The following RRP1 variants were observed in gnomAD, a reference collection of about 807,000 sequenced individuals.
The protein encoded by RRP1 is ribosomal RNA processing protein 1 homolog A.
A neutral mutation model predicts 54.6 loss-of-function variants in RRP1; 37 were observed. That is an observed-to-expected ratio of 0.68 (90% CI 0.52 to 0.89). The LOEUF (loss-of-function observed/expected upper bound fraction) is 0.89, where lower values mean the gene tolerates loss of function less well. Among genes scored for constraint, RRP1 ranks in the 40% least tolerant of loss-of-function variants. The pLI is 0.00. For missense variants in RRP1, 639 were observed against 612.5 expected, an observed-to-expected ratio of 1.04 and a Z score of -0.46; for synonymous variants, 262 against 244.3, an observed-to-expected ratio of 1.07 and a Z score of -0.67.
intron 5 of RRP1, among the ~76,000 whole-genome samples, chr21:43,796,466 C>G (rs1427458753): frequency 6.6e-6 from 1 of 150,440 alleles, no homozygotes; most frequent in East Asian, 2.0e-4. Context: ...TGTGGAAGAC[C>G]TCGGTGCCTT....
At chr21:43,798,145 G>A (rs1164034761) in intron 8 of RRP1, 45 bp downstream of exon 8, 5 of 1,520,038 alleles carry the variant, frequency 3.3e-6, no homozygotes, top group Admixed American at 4.1e-5. Context: ...GCCTGTCCTG[G>A]GCTGAGCCAG....
intron 9 of RRP1, 50 bp downstream of exon 9, chr21:43,799,699 C>G: frequency 6.5e-7 from 1 of 1,532,172 alleles, no homozygotes; most frequent in Non-Finnish European, 8.9e-7. Flanking sequence ...CCCCTCTGTG[C>G]TACCGCTTGC....
intron 9 of RRP1, 62 bp from the exon 10 acceptor site, chr21:43,800,455 C>A (rs562110853): frequency 2.6e-6 from 4 of 1,528,874 alleles, no homozygotes; most frequent in Non-Finnish European, 3.6e-6. Flanking sequence ...AGGGGTTCCA[C>A]GTTCTCGGAG....
chr21:43,794,990 G>A (rs1185295636), intron 4 of RRP1, among the ~76,000 whole-genome samples, 199 bp from the exon 5 acceptor site: 2 of 152,250 alleles, frequency 1.3e-5, no homozygotes, highest in Non-Finnish European at 2.9e-5. Context: ...CATGTTCTCA[G>A]CCCAGGGTTC....
intron 4 of RRP1, among the ~76,000 whole-genome samples, chr21:43,794,140 A>G (rs949537932): frequency 1.3e-5 from 2 of 152,188 alleles, no homozygotes; most frequent in African/African-American, 4.8e-5. Context: ...TGTCCAGCTC[A>G]GATTCGGGCC....
At chr21:43,798,473 C>T (rs1236595654) in intron 8 of RRP1, among the ~76,000 whole-genome samples, 1 of 152,168 alleles carries the variant, frequency 6.6e-6, no homozygotes, top group Admixed American at 6.5e-5. Context: ...CTGGCCTCTC[C>T]CAGCCCCCAA....
rs983389270 is a variant in RRP1 at position 43,789,606 on chromosome 21, C to T, written c.-24C>T. On this transcript the variant is annotated 5_prime_UTR_variant, in exon 1 of 13. Coordinates refer to ENST00000497547, the MANE Select transcript of RRP1 (RefSeq NM_003683.6). ...TGCTGGGTACCAGGCGACTCCGGGACAGGGGGTCTCGGCCGTCGGCGTCAT... is the reference window on the plus strand; with the variant it reads ...TGCTGGGTACCAGGCGACTCCGGGATAGGGGGTCTCGGCCGTCGGCGTCAT... The T allele has an allele frequency of 1.5e-5, 24 of 1,583,640 alleles. No homozygotes were observed. Among genetic ancestry groups the T allele is most frequent in the Non-Finnish European group, 1.8e-5 (21 of 1,166,964 alleles).
rs200314612 is a variant in RRP1 at position 43,800,528 on chromosome 21, G to A, written c.903G>A (p.Glu301=). 36 of 1,614,246 alleles carry A rather than the reference G, an allele frequency of 2.2e-5. No individual in the cohort carries two copies. The highest frequency in any genetic ancestry group is 1.7e-4 in the Admixed American group (10 of 60,030). The change falls in exon 10 of 13, where the codon GAG becomes GAA. Residue 301 remains glutamate, a synonymous_variant. Transcript: ENST00000497547. ...CTCTTTTGAAACAGTTTGACTACGA[G>A]GCAGTTGCTAACAGACTGTTTGAAA... ...SGGPVLQFDY[E]AVANRLFEMA...
chr21:43,799,379 C>T (rs2085058077), intron 8 of RRP1, among the ~76,000 whole-genome samples, 191 bp from the exon 9 acceptor site: 2 of 94,458 alleles, frequency 2.1e-5, no homozygotes, highest in South Asian at 9.0e-4. Flanking sequence ...TAGTATCTGC[C>T]TTGAGCTGTG....
At chr21:43,803,283 T>C (rs2085111577) in intron 12 of RRP1, among the ~76,000 whole-genome samples, 2 of 152,234 alleles carry the variant, frequency 1.3e-5, no homozygotes, top group South Asian at 4.1e-4. Flanking sequence ...CTCCTGGGTC[T>C]CATGACCCTG....
intron 11 of RRP1, among the ~76,000 whole-genome samples, chr21:43,801,315 C>T (rs748438161): frequency 6.6e-6 from 1 of 152,168 alleles, no homozygotes; most frequent in Non-Finnish European, 1.5e-5. Context: ...AGTTTCAGAC[C>T]TGCAACTCAG....
rs1359034561 is a variant in RRP1 at position 43,797,545 on chromosome 21, CGAG to C, written c.551_552+1del. On this transcript the variant is annotated inframe_deletion, in exon 6 of 13. Transcript: ENST00000497547. ...TGGAGGAGCTGACCAAAGTGGGCGC[CGAG>C]GAGGTGAGGCTGGGCTCCGACGGGG... 3 of 1,613,926 alleles carry C rather than the reference CGAG, an allele frequency of 1.9e-6. No homozygotes were observed. The highest frequency in any genetic ancestry group is 3.3e-4 in the Middle Eastern group (2 of 6,062).
At chr21:43,789,922 C>T (rs556917868) in intron 1 of RRP1, among the ~76,000 whole-genome samples, 160 bp downstream of exon 1, 3 of 151,506 alleles carry the variant, frequency 2.0e-5, no homozygotes, top group African/African-American at 7.3e-5. Flanking sequence ...CTGTTACCGG[C>T]CCACGGCCCC....
intron 12 of RRP1, 135 bp from the exon 13 acceptor site, chr21:43,803,377 G>A: frequency 8.1e-7 from 1 of 1,230,972 alleles, no homozygotes; most frequent in Non-Finnish European, 1.1e-6. Context: ...CTGGACACGG[G>A]ATGCGTCTGG....
chr21:43,797,562 G>A lies in RRP1; in HGVS notation c.552+11G>A. 6.2e-7 allele frequency: 1 copy of A among 1,613,996 alleles called. No homozygotes were observed. Among genetic ancestry groups the A allele is most frequent in the Non-Finnish European group, 8.5e-7 (1 of 1,179,884 alleles). On this transcript the variant is annotated intron_variant, in intron 6 of 12. Transcript: ENST00000497547. ...GTGGGCGCCGAGGAGGTGAGGCTGG[G>A]CTCCGACGGGGCGGTGGAGCTGGGC...
intron 9 of RRP1, among the ~76,000 whole-genome samples, chr21:43,800,296 A>T (rs1461966426): frequency 1.3e-5 from 2 of 150,900 alleles, no homozygotes; most frequent in African/African-American, 2.5e-5. Flanking sequence ...TGTGCCCCGC[A>T]GTGCGTGCCC....
Position 43,800,803 on chromosome 21 carries a change from C to T in RRP1, c.990-59C>T, listed in dbSNP as rs866034902. On this transcript the variant is annotated intron_variant, in intron 10 of 12. Transcript: ENST00000497547. ...GAACCTGCAGCCGCTCTAGCTGGAG[C>T]TTCCTCCTCCTGCGGAAGCCGCAGC... The T allele has an allele frequency of 1.4e-5, 22 of 1,608,022 alleles. No individual in the cohort carries two copies. In the Middle Eastern group the frequency reaches 2.9e-3, roughly 212 times the overall value.
intron 12 of RRP1, 196 bp downstream of exon 12, chr21:43,802,583 C>T: frequency 1.8e-6 from 1 of 565,736 alleles, no homozygotes; most frequent in Non-Finnish European, 3.2e-6. Flanking sequence ...GCCTCCCCCA[C>T]CCACCTTCCT....
At chr21:43,796,921 G>T (rs994272404) in intron 5 of RRP1, among the ~76,000 whole-genome samples, 3 of 152,188 alleles carry the variant, frequency 2.0e-5, no homozygotes, top group Non-Finnish European at 2.9e-5. Flanking sequence ...GTTGGAATGC[G>T]TCGTGCGGCA....
Sources: allele counts gnomAD v4.1 joint callset (sites outside exome capture counted in the v4.1 genomes callset), GRCh38; gene constraint gnomAD v4.1.1; transcripts MANE v1.5; gene names NCBI Gene and HGNC (gene_info 2026-07-23, HGNC 2026-07-21).